Variants in UHRF1 observed in about 807,000 individuals in gnomAD.
UHRF1 encodes the protein ubiquitin like with PHD and ring finger domains 1.
In UHRF1, 9 loss-of-function variants were observed where a neutral mutation model predicts 96.5. The ratio of observed to expected loss-of-function variants is 0.09; its 90% confidence interval spans 0.06 to 0.16. The LOEUF (loss-of-function observed/expected upper bound fraction) is 0.16. Ranked by LOEUF, UHRF1 falls within the 10% of genes least tolerant of loss-of-function variation. The probability of loss-of-function intolerance (pLI) is 1.00; values close to 1 mark genes in which losing one functional copy is unlikely to be tolerated. For synonymous variants in UHRF1, 455 were observed against 469.9 expected, an observed-to-expected ratio of 0.97 and a Z score of 0.41; for missense variants, 626 against 1,131.1, an observed-to-expected ratio of 0.55 and a Z score of 6.40.
intron 16 of UHRF1, among the ~76,000 whole-genome samples, chr19:4,957,500 G>A (rs1421518739): frequency 2.6e-5 from 4 of 151,992 alleles, no homozygotes; most frequent in Non-Finnish European, 5.9e-5. Flanking sequence ...AGTAGAGATG[G>A]GGTTTCACCG....
In UHRF1 at chr19:4,954,560, G is replaced by A; in HGVS notation, c.1957+72G>A. The stretch of plus-strand genomic sequence containing the variant: ...CAGGTGGGCATCTCGCGGGTGTGGG[G>A]TTGAGGTCGTGTGGACGTGGGAGCC... On this transcript the variant is annotated intron_variant, in intron 14 of 16. Transcript: ENST00000650932. The surrounding 1 kb of genome is among the most constrained non-coding windows in gnomAD (Gnocchi z 5.9). The A allele has an allele frequency of 6.3e-7, 1 of 1,586,428 alleles. No individual in the cohort carries two copies. The highest frequency in any genetic ancestry group is 8.6e-7 in the Non-Finnish European group (1 of 1,164,464).
intron 13 of UHRF1, 34 bp downstream of exon 13, chr19:4,951,030 G>A (rs921285941): frequency 1.9e-6 from 3 of 1,557,558 alleles, no homozygotes; most frequent in Admixed American, 4.0e-5. Flanking sequence ...ACTTTGGGAG[G>A]CCAAGGCGGA....
chr19:4,928,977 C>T (rs1318345988), intron 2 of UHRF1, among the ~76,000 whole-genome samples: 1 of 152,234 alleles, frequency 6.6e-6, no homozygotes, highest in African/African-American at 2.4e-5. Flanking sequence ...CTTCTGGGTG[C>T]TTCCTGCATG....
At chr19:4,914,917 T>C (rs1425611668) in intron 2 of UHRF1, among the ~76,000 whole-genome samples, 2 of 152,144 alleles carry the variant, frequency 1.3e-5, no homozygotes, top group African/African-American at 4.8e-5. Flanking sequence ...AATCAATCTC[T>C]TAGCACAGGG....
intron 13 of UHRF1, among the ~76,000 whole-genome samples, chr19:4,952,322 G>C (rs2033738648): frequency 6.7e-6 from 1 of 150,264 alleles, no homozygotes; most frequent in Non-Finnish European, 1.5e-5. Flanking sequence ...TTGAACTCCT[G>C]ACCTCAGGTG....
chr19:4,915,129 T>C (rs2032442989), intron 2 of UHRF1, among the ~76,000 whole-genome samples: 1 of 152,222 alleles, frequency 6.6e-6, no homozygotes, highest in Non-Finnish European at 1.5e-5. Flanking sequence ...GTCTGATGCC[T>C]CAGTTGAAAT....
At chr19:4,923,810 C>G (rs1320967483) in intron 2 of UHRF1, among the ~76,000 whole-genome samples, 1 of 152,190 alleles carries the variant, frequency 6.6e-6, no homozygotes, top group Non-Finnish European at 1.5e-5. Flanking sequence ...GGCCCCACCC[C>G]AGAGAGTGAT....
At chr19:4,906,610 G>A (rs1402576022), upstream of UHRF1, among the ~76,000 whole-genome samples, 6 of 152,004 alleles carry the variant, frequency 3.9e-5, no homozygotes, top group East Asian at 5.8e-4. Context: ...AAAATTAGCC[G>A]GACATGGTGG....
At chr19:4,955,319 G>A (rs1331457518) in intron 15 of UHRF1, among the ~76,000 whole-genome samples, 2 of 152,146 alleles carry the variant, frequency 1.3e-5, no homozygotes, top group Non-Finnish European at 2.9e-5. Context: ...CCAAGGTCTA[G>A]AGGCACTGTA....
intron 16 of UHRF1, among the ~76,000 whole-genome samples, 191 bp from the exon 17 acceptor site, chr19:4,960,466 C>T (rs996909637): frequency 6.6e-6 from 1 of 151,988 alleles, no homozygotes; most frequent in Non-Finnish European, 1.5e-5. Flanking sequence ...GCCTGGAGGC[C>T]GGGTGAGCTT....
chr19:4,951,558 G>A (rs1159359387), intron 13 of UHRF1, among the ~76,000 whole-genome samples: 1 of 152,080 alleles, frequency 6.6e-6, no homozygotes, highest in East Asian at 1.9e-4. Flanking sequence ...ATGGGAACGC[G>A]CAGATGACAT....
intron 16 of UHRF1, among the ~76,000 whole-genome samples, chr19:4,959,299 C>T (rs2033932732): frequency 6.6e-6 from 1 of 152,092 alleles, no homozygotes; most frequent in South Asian, 2.1e-4. Context: ...CACTGCACTC[C>T]AGCCTGGGCG....
chr19:4,942,220 T>G (rs900080907), intron 7 of UHRF1, among the ~76,000 whole-genome samples: 1 of 151,506 alleles, frequency 6.6e-6, no homozygotes, highest in Non-Finnish European at 1.5e-5. Flanking sequence ...TGCGGCGGAG[T>G]CTCGCTGTCT....
chr19:4,930,986 T>C lies in UHRF1; in HGVS notation c.569+110T>C, dbSNP rs2033033471. ...CACTGTCTCGAGATGGTGATCAGGA[T>C]CTGGGGCCCCATCCTCGAATTCCTA... On this transcript the variant is annotated intron_variant, in intron 4 of 16. Coordinates refer to ENST00000650932, the MANE Select transcript of UHRF1 (RefSeq NM_001048201.3). This position sits in a 1 kb window ranked among gnomAD's most constrained non-coding sequence, Gnocchi z 4.4. The C allele has an allele frequency of 1.3e-6, 2 of 1,486,704 alleles. No homozygotes were observed. Among genetic ancestry groups the C allele is most frequent in the Non-Finnish European group, 1.8e-6 (2 of 1,094,694 alleles). 92.1% of individuals were successfully genotyped at this position (1,486,704 alleles called of 1,614,324 possible).
intron 7 of UHRF1, among the ~76,000 whole-genome samples, chr19:4,942,488 C>T (rs2033436982): frequency 6.6e-6 from 1 of 151,188 alleles, no homozygotes; most frequent in Non-Finnish European, 1.5e-5. Context: ...CCTCGCCCAG[C>T]CTTGAGACGG....
At chr19:4,906,540 G>A (rs1463290207), upstream of UHRF1, among the ~76,000 whole-genome samples, 1 of 152,070 alleles carries the variant, frequency 6.6e-6, no homozygotes, top group Non-Finnish European at 1.5e-5. Flanking sequence ...GATCACCTAA[G>A]GTCAGGAGTT....
At chr19:4,956,984 G>A (rs555304037) in intron 16 of UHRF1, among the ~76,000 whole-genome samples, 171 bp downstream of exon 16, 1 of 152,270 alleles carries the variant, frequency 6.6e-6, no homozygotes, top group Admixed American at 6.5e-5. Flanking sequence ...GTATTACCAC[G>A]GAGGCCTATA....
chr19:4,957,042 G>C (rs1330170541), intron 16 of UHRF1, among the ~76,000 whole-genome samples: 1 of 152,188 alleles, frequency 6.6e-6, no homozygotes, highest in African/African-American at 2.4e-5. Context: ...GGTGGGAGAG[G>C]ATGGGCCACA....
intron 7 of UHRF1, among the ~76,000 whole-genome samples, chr19:4,943,361 G>A (rs1012985528): frequency 7.2e-5 from 11 of 152,116 alleles, no homozygotes; most frequent in Non-Finnish European, 1.3e-4. Flanking sequence ...AGGAGGTTTC[G>A]TAGCCACTGT....
Sources: allele counts gnomAD v4.1 joint callset (sites outside exome capture counted in the v4.1 genomes callset), GRCh38; gene constraint gnomAD v4.1.1; non-coding constraint Gnocchi (gnomAD v3.1); transcripts MANE v1.5; gene names NCBI Gene and HGNC (gene_info 2026-07-23, HGNC 2026-07-21).